Variants in CDH4 observed in about 807,000 individuals in gnomAD.
CDH4 encodes cadherin-4.
A neutral mutation model predicts 86.0 loss-of-function variants in CDH4; 33 were observed. The ratio of observed to expected loss-of-function variants is 0.38; its 90% confidence interval spans 0.29 to 0.51. The LOEUF (loss-of-function observed/expected upper bound fraction) is 0.51, where lower values mean the gene tolerates loss of function less well. Among genes scored for constraint, CDH4 ranks in the 20% least tolerant of loss-of-function variants. CDH4 has a pLI of 0.86. For missense variants in CDH4, 1,114 were observed against 1,307.4 expected (o/e 0.85, Z 2.28); for synonymous variants, 555 against 549.4 (o/e 1.01, Z -0.14).
chr20:61,299,547 T>G (rs1323983976), intron 2 of CDH4, among the ~76,000 whole-genome samples: 1 of 152,242 alleles, frequency 6.6e-6, no homozygotes, highest in Non-Finnish European at 1.5e-5. Context: ...ACCTGACTTC[T>G]TAGTAACTCC....
chr20:61,807,103 C>T lies in CDH4; in HGVS notation c.576+33921C>T, dbSNP rs1980178894. On this transcript the variant is annotated intron_variant, in intron 4 of 15. Coordinates refer to ENST00000614565, the MANE Select transcript of CDH4 (RefSeq NM_001794.5). This position sits in a 1 kb window ranked among gnomAD's most constrained non-coding sequence, Gnocchi z 4.5. ...GCTCATCCCCTGATCTATGAGCTCC[C>T]AGGGCCCCGCAGCCCCGCCAGCCCC... Among the ~76,000 whole-genome samples the T allele has an allele frequency of 6.6e-6, 1 of 152,234 alleles. No homozygotes were observed. The highest frequency in any genetic ancestry group is 1.5e-5 in the Non-Finnish European group (1 of 68,040).
chr20:61,623,660 G>A lies in CDH4; in HGVS notation c.170-119903G>A, dbSNP rs766390361. Reference sequence around the variant, plus strand: ...AGCTGATTCTGAGGGAGGTTCTGACGTCACCACGCAGCCCTGGGGACCAGC... The same window carrying A: ...AGCTGATTCTGAGGGAGGTTCTGACATCACCACGCAGCCCTGGGGACCAGC... On this transcript the variant is annotated intron_variant, in intron 2 of 15. Coordinates refer to ENST00000614565, the MANE Select transcript of CDH4 (RefSeq NM_001794.5). This position sits in a 1 kb window ranked among gnomAD's most constrained non-coding sequence, Gnocchi z 4.4. 5.9e-5 allele frequency among the ~76,000 whole-genome samples: 9 copies of A among 152,140 alleles called. No individual in the cohort carries two copies. The highest frequency in any genetic ancestry group is 1.2e-4 in the Non-Finnish European group (8 of 68,022).
chr20:61,551,089 T>A (rs756660883), intron 2 of CDH4, among the ~76,000 whole-genome samples: 1 of 152,220 alleles, frequency 6.6e-6, no homozygotes, highest in Non-Finnish European at 1.5e-5. Context: ...TAACGGGCAT[T>A]CCCTTCTCCT....
intron 2 of CDH4, among the ~76,000 whole-genome samples, chr20:61,381,454 C>T (rs1227616549): frequency 6.6e-6 from 1 of 152,176 alleles, no homozygotes; most frequent in African/African-American, 2.4e-5. Context: ...CAAAAACATC[C>T]ACTTAGCAAG....
intron 2 of CDH4, among the ~76,000 whole-genome samples, chr20:61,453,135 A>C (rs1303667110): frequency 2.0e-5 from 3 of 152,210 alleles, no homozygotes; most frequent in Admixed American, 2.0e-4. Context: ...AAGGGGAAAA[A>C]AGCCAATGAA....
At chr20:61,642,122 T>C (rs1407172473) in intron 2 of CDH4, among the ~76,000 whole-genome samples, 3 of 152,274 alleles carry the variant, frequency 2.0e-5, no homozygotes, top group Non-Finnish European at 4.4e-5. Flanking sequence ...TAGCAGCCTC[T>C]GAAATGTTTT....
At chr20:61,656,286 CGCGTGCTGGGGTGGGT>C (rs2087188333) in intron 2 of CDH4, among the ~76,000 whole-genome samples, 2 of 98,596 alleles carry the variant, frequency 2.0e-5, no homozygotes, top group African/African-American at 9.2e-5. Context: ...GGTGGGCAGG[CGCGTGCTGGGGTGGGT>C]AGGCACGTGC....
At chr20:61,447,000 A>C (rs1200433497) in intron 2 of CDH4, among the ~76,000 whole-genome samples, 1 of 152,038 alleles carries the variant, frequency 6.6e-6, no homozygotes, top group Non-Finnish European at 1.5e-5. Flanking sequence ...TGTTTATTTT[A>C]ACTTACGTTT....
At chr20:61,719,938 T>C (rs1355055576) in intron 2 of CDH4, among the ~76,000 whole-genome samples, 1 of 152,150 alleles carries the variant, frequency 6.6e-6, no homozygotes, top group Admixed American at 6.5e-5. Context: ...TGATAAGACA[T>C]TGCGGTGTGC....
chr20:61,760,803 G>T (rs541862500), intron 3 of CDH4, among the ~76,000 whole-genome samples: 3 of 152,340 alleles, frequency 2.0e-5, no homozygotes, highest in East Asian at 1.9e-4. Context: ...GGTGGTGCTC[G>T]TGGGGCAGGG....
chr20:61,779,045 G>A (rs912933892), intron 4 of CDH4, among the ~76,000 whole-genome samples: 6 of 152,194 alleles, frequency 3.9e-5, no homozygotes, highest in Non-Finnish European at 7.3e-5. Flanking sequence ...ACCTACACAG[G>A]CACATTCTTA....
chr20:61,835,355 G>A (rs1043244568), intron 4 of CDH4, among the ~76,000 whole-genome samples: 7 of 152,050 alleles, frequency 4.6e-5, no homozygotes, highest in African/African-American at 1.2e-4. Context: ...ATGAGCCACC[G>A]TGCTGGCCAG....
chr20:61,661,145 G>A (rs947587904), intron 2 of CDH4, among the ~76,000 whole-genome samples: 6 of 146,808 alleles, frequency 4.1e-5, no homozygotes, highest in African/African-American at 1.0e-4. Context: ...GCAGCTTCTT[G>A]CATGTTGCAC....
intron 2 of CDH4, among the ~76,000 whole-genome samples, chr20:61,360,956 AGGAG>A (rs1469918037): frequency 6.6e-6 from 1 of 152,098 alleles, no homozygotes; most frequent in Non-Finnish European, 1.5e-5. Context: ...ATGTAGCAGG[AGGAG>A]GGTGGGTGGG....
chr20:61,795,506 C>G (rs2146023358), intron 4 of CDH4, among the ~76,000 whole-genome samples: 1 of 152,224 alleles, frequency 6.6e-6, no homozygotes, highest in South Asian at 2.1e-4. Context: ...ACAATGGGAG[C>G]CCCCCAGGAC....
Position 61,724,563 on chromosome 20 carries a change from G to A in CDH4, c.170-19000G>A, listed in dbSNP as rs149547648. On this transcript the variant is annotated intron_variant, in intron 2 of 15. Coordinates refer to ENST00000614565, the MANE Select transcript of CDH4 (RefSeq NM_001794.5). The stretch of plus-strand genomic sequence containing the variant: ...AAGGCCCTTCCAGACAGAAGAGGCA[G>A]CAGGAAGTGGAGAGATGAGGGTGTC... Among the ~76,000 whole-genome samples, 1,137 of 152,326 alleles carry A rather than the reference G, an allele frequency of 7.5e-3. 36 individuals are homozygous for A. The South Asian group carries it at 0.11, about 14-fold the overall frequency.
At chr20:61,316,744 G>A (rs2123232930) in intron 2 of CDH4, among the ~76,000 whole-genome samples, 1 of 152,378 alleles carries the variant, frequency 6.6e-6, no homozygotes, top group Non-Finnish European at 1.5e-5. Flanking sequence ...GCTGTCGTTA[G>A]AGCCGCCGCC....
chr20:61,657,701 G>A (rs978773527), intron 2 of CDH4, among the ~76,000 whole-genome samples: 6 of 152,222 alleles, frequency 3.9e-5, no homozygotes, highest in African/African-American at 7.2e-5. Flanking sequence ...CTGAAGGGAC[G>A]TCGATCAAAA....
chr20:61,779,786 C>T lies in CDH4; in HGVS notation c.576+6604C>T, dbSNP rs541712717. Among the ~76,000 whole-genome samples, 29 of 152,326 alleles carry T rather than the reference C, an allele frequency of 1.9e-4. 1 individual carries two copies. The South Asian group carries it at 5.2e-3, about 27-fold the overall frequency. On this transcript the variant is annotated intron_variant, in intron 4 of 15. Coordinates refer to ENST00000614565, the MANE Select transcript of CDH4 (RefSeq NM_001794.5). ...GATGCCCCGAGCTGGGTCTGCATCCCGAGATGCACGGCCAAGGTGCCGGAG... is the reference window on the plus strand; with the variant it reads ...GATGCCCCGAGCTGGGTCTGCATCCTGAGATGCACGGCCAAGGTGCCGGAG...
Sources: gnomAD v4.1 joint callset for allele counts (sites outside exome capture counted in the v4.1 genomes callset) on GRCh38, gnomAD v4.1.1 for gene constraint, Gnocchi (gnomAD v3.1) non-coding constraint, MANE v1.5 for transcripts, NCBI Gene and HGNC (gene_info 2026-07-23, HGNC 2026-07-21) for gene names.